ROR1: variants seen among roughly 807,000 people sequenced by gnomAD.
The protein encoded by ROR1 is inactive tyrosine-protein kinase transmembrane receptor ROR1.
A neutral mutation model predicts 78.8 loss-of-function variants in ROR1; 19 were observed. The ratio of observed to expected loss-of-function variants is 0.24; its 90% CI spans 0.17 to 0.35. The LOEUF is 0.35. Among genes scored for constraint, ROR1 ranks in the 10% least tolerant of loss-of-function variants. ROR1 has a pLI of 1.00. For synonymous variants in ROR1, 386 were observed against 433.6 expected (o/e 0.89, Z 1.36); for missense variants, 917 against 1,177.8 (o/e 0.78, Z 3.24).
intron 4 of ROR1, among the ~76,000 whole-genome samples, chr1:64,096,883 T>C (rs1323046183): frequency 6.8e-6 from 1 of 147,876 alleles, no homozygotes; most frequent in Non-Finnish European, 1.5e-5. Context: ...CATTCCTTTT[T>C]TTCTCCACAA....
chr1:63,785,452 G>C (rs1644677904), intron 1 of ROR1, among the ~76,000 whole-genome samples: 1 of 151,312 alleles, frequency 6.6e-6, no homozygotes, highest in Non-Finnish European at 1.5e-5. Flanking sequence ...GGAGACCAGT[G>C]GTGTGTAGAC....
At chr1:64,036,242 GCCAT>G (rs1208145776) in intron 2 of ROR1, among the ~76,000 whole-genome samples, 3 of 152,062 alleles carry the variant, frequency 2.0e-5, no homozygotes, top group African/African-American at 7.2e-5. Context: ...GCTCCCTAGT[GCCAT>G]CCATCCATCC....
chr1:63,801,445 C>T (rs975060696), intron 1 of ROR1, among the ~76,000 whole-genome samples: 4 of 152,048 alleles, frequency 2.6e-5, no homozygotes, highest in Non-Finnish European at 5.9e-5. Flanking sequence ...CAGGCACCCA[C>T]CACCACACCT....
At chr1:63,970,875 G>A (rs1197156789) in intron 1 of ROR1, among the ~76,000 whole-genome samples, 2 of 152,216 alleles carry the variant, frequency 1.3e-5, no homozygotes, top group Non-Finnish European at 2.9e-5. Flanking sequence ...AATGCAGGCA[G>A]TCTGATTCCA....
chr1:64,107,603 G>A (rs1345570655), intron 4 of ROR1, among the ~76,000 whole-genome samples: 1 of 150,936 alleles, frequency 6.6e-6, no homozygotes, highest in Admixed American at 6.6e-5. Context: ...GTCAAGCTTT[G>A]TTAATAGATT....
At chr1:64,001,605 G>T (rs543734834) in intron 1 of ROR1, among the ~76,000 whole-genome samples, 23 of 152,144 alleles carry the variant, frequency 1.5e-4, no homozygotes, top group Non-Finnish European at 1.3e-4. Flanking sequence ...GATGTCTTAT[G>T]GAGACGTTTC....
intron 1 of ROR1, among the ~76,000 whole-genome samples, chr1:63,938,587 T>C (rs855943): frequency 0.7 from 106,704 of 152,156 alleles, 39,904 homozygotes; most frequent in East Asian, 0.94. Context: ...CAAATACTGA[T>C]CGGATTGCTG....
chr1:63,804,434 T>C (rs557245068), intron 1 of ROR1, among the ~76,000 whole-genome samples: 1 of 152,188 alleles, frequency 6.6e-6, no homozygotes, highest in Non-Finnish European at 1.5e-5. Flanking sequence ...GTGCTATTTT[T>C]GTAACTTCCT....
Position 64,132,470 on chromosome 1 carries a change from A to G in ROR1, c.483-4899A>G, listed in dbSNP as rs1256885716. Among the ~76,000 whole-genome samples the G allele has an allele frequency of 2.0e-5, 3 of 152,132 alleles. No homozygotes were observed. In the East Asian group the frequency reaches 5.8e-4, roughly 29 times the overall value. The stretch of plus-strand genomic sequence containing the variant: ...CATCCATTCTCTTCTCATTAAGAAG[A>G]GGTAGGAGACCCGGCGTGGTGGCTC... On this transcript the variant is annotated intron_variant, in intron 4 of 8. Transcript: ENST00000371079.
chr1:64,003,196 T>C (rs961146102), intron 1 of ROR1, among the ~76,000 whole-genome samples: 9 of 152,196 alleles, frequency 5.9e-5, no homozygotes, highest in African/African-American at 2.2e-4. Context: ...TCCTTTTTTT[T>C]CTTTTTCTTT....
At chr1:63,995,788 C>T (rs534897407) in intron 1 of ROR1, among the ~76,000 whole-genome samples, 2 of 152,180 alleles carry the variant, frequency 1.3e-5, no homozygotes, top group Admixed American at 6.5e-5. Context: ...AATAAATGAG[C>T]TATTATTTAT....
intron 1 of ROR1, among the ~76,000 whole-genome samples, chr1:63,826,469 A>G (rs1644954155): frequency 2.0e-5 from 3 of 152,152 alleles, no homozygotes; most frequent in African/African-American, 7.2e-5. Flanking sequence ...TATACATACC[A>G]CATTTTCTTT....
intron 8 of ROR1, 58 bp downstream of exon 8, chr1:64,159,250 G>T: frequency 7.9e-7 from 1 of 1,272,414 alleles, no homozygotes; most frequent in Non-Finnish European, 1.1e-6. Flanking sequence ...AAAGCACCAT[G>T]TTATAACCCT....
intron 1 of ROR1, among the ~76,000 whole-genome samples, chr1:63,983,693 A>G (rs904644306): frequency 3.9e-5 from 6 of 152,184 alleles, no homozygotes; most frequent in Non-Finnish European, 7.3e-5. Flanking sequence ...AACTGCCTTT[A>G]GCGCCTCATT....
chr1:63,785,307 G>A (rs1419716461), intron 1 of ROR1, among the ~76,000 whole-genome samples: 1 of 152,054 alleles, frequency 6.6e-6, no homozygotes, highest in Non-Finnish European at 1.5e-5. Flanking sequence ...CCATTGTGGT[G>A]ATGGACTGTA....
At chr1:64,128,648 T>G (rs1648803973) in intron 4 of ROR1, among the ~76,000 whole-genome samples, 1 of 152,198 alleles carries the variant, frequency 6.6e-6, no homozygotes, top group African/African-American at 2.4e-5. Flanking sequence ...TGACACTGAA[T>G]AGGCACTATT....
intron 1 of ROR1, among the ~76,000 whole-genome samples, chr1:63,985,076 A>C (rs1346136538): frequency 6.6e-6 from 1 of 152,076 alleles, no homozygotes; most frequent in Non-Finnish European, 1.5e-5. Context: ...TGAACTCTGG[A>C]CTAATTGCTC....
At chr1:64,159,849 T>G (rs938627941) in intron 8 of ROR1, among the ~76,000 whole-genome samples, 1 of 152,154 alleles carries the variant, frequency 6.6e-6, no homozygotes, top group African/African-American at 2.4e-5. Context: ...CTTTTGCTTT[T>G]CATCCACATC....
Position 63,774,740 on chromosome 1 carries a change from G to T in ROR1, c.91+232G>T, listed in dbSNP as rs2100211347. Among the ~76,000 whole-genome samples the T allele has an allele frequency of 6.6e-6, 1 of 151,820 alleles. No homozygotes were observed. On this transcript the variant is annotated intron_variant, in intron 1 of 8. Transcript: ENST00000371079. The surrounding 1 kb of genome is among the most constrained non-coding windows in gnomAD (Gnocchi z 5.7). The stretch of plus-strand genomic sequence containing the variant: ...CGGGCCGGGGCGCGCCCAGGGACTC[G>T]TTCCTCGGTGCGCAGCAGCGATTGT...
Sources: gnomAD v4.1 joint callset for allele counts (sites outside exome capture counted in the v4.1 genomes callset) on GRCh38, gnomAD v4.1.1 for gene constraint, Gnocchi (gnomAD v3.1) non-coding constraint, MANE v1.5 for transcripts, NCBI Gene and HGNC (gene_info 2026-07-23, HGNC 2026-07-21) for gene names.